Variants in FBXL5 observed in about 807,000 individuals in gnomAD.
FBXL5 encodes the protein F-box/LRR-repeat protein 5.
In FBXL5, 26 loss-of-function variants were observed where a neutral mutation model predicts 78.3. That is an observed-to-expected ratio of 0.33 (90% CI 0.24 to 0.46). FBXL5 has a LOEUF of 0.46. FBXL5 is among the 20% of genes least tolerant of loss of function. FBXL5 has a pLI of 1.00. For synonymous variants in FBXL5, 295 were observed against 282.5 expected (o/e 1.04, Z -0.45); for missense variants, 710 against 829.2 (o/e 0.86, Z 1.77).
At chr4:15,656,157 G>C (rs1560244651), upstream of FBXL5, 3 of 455,832 alleles carry the variant, frequency 6.6e-6, no homozygotes, top group Non-Finnish European at 1.3e-5. Context: ...TGGAAGGTTG[G>C]TGCGGGAAAG....
intron 9 of FBXL5, among the ~76,000 whole-genome samples, chr4:15,619,271 G>A (rs1712233698): frequency 6.6e-6 from 1 of 152,140 alleles, no homozygotes; most frequent in South Asian, 2.1e-4. Flanking sequence ...ACAGGCCAAT[G>A]TCCCTTATGA....
At position 15,625,790 on chromosome 4, in the gene FBXL5, T is replaced by C. The variant is rs1401273927; in HGVS notation, c.1312A>G (p.Met438Val). The change falls in exon 9 of 11, where the codon ATG (methionine) becomes GTG (valine). Residue 438 changes from methionine to valine, a missense_variant. Transcript: ENST00000341285. ...STAWKNKDIT[M>V]QSTKQYACLH... ...CAGGCATACTGCTTGGTGGACTGCA[T>C]GGTAATGTCTTTATTTTTCCACGCA... The C allele has an allele frequency of 3.1e-6, 5 of 1,614,078 alleles. No individual in the cohort carries two copies. The highest frequency in any genetic ancestry group is 3.4e-6 in the Non-Finnish European group (4 of 1,180,042).
Position 15,636,511 on chromosome 4 carries a change from G to C in FBXL5, c.749C>G (p.Pro250Arg). ...TTACCTACCTCTGGCCCAATGAACA[G>C]GGTAAAGATGTTTCCAAAGCGATCC... The part of the protein sequence containing the change: ...KTGSLWKHLY[P>R]VHWARGDWYS... The change falls in exon 5 of 11, where the codon CCT (proline) becomes CGT (arginine). Residue 250 changes from proline to arginine, a missense_variant. Pro to Arg is a moderately radical substitution (Grantham distance 103). Coordinates refer to ENST00000341285, the MANE Select transcript of FBXL5 (RefSeq NM_012161.4). The C allele has an allele frequency of 6.2e-7, 1 of 1,608,036 alleles. No individual in the cohort carries two copies. The highest frequency in any genetic ancestry group is 8.5e-7 in the Non-Finnish European group (1 of 1,176,638).
chr4:15,612,900 T>C (rs574149375), intron 9 of FBXL5, among the ~76,000 whole-genome samples: 3 of 152,308 alleles, frequency 2.0e-5, no homozygotes, highest in South Asian at 4.1e-4. Flanking sequence ...AACTTGCACA[T>C]GAATGTTCAT....
In FBXL5 at chr4:15,640,881, A is replaced by G. The variant is rs1456936371; in HGVS notation, c.303T>C (p.Asn101=). 1 of 1,448,554 alleles carries G rather than the reference A, an allele frequency of 6.9e-7. No homozygotes were observed. The highest frequency in any genetic ancestry group is 9.2e-7 in the Non-Finnish European group (1 of 1,084,300). 89.7% of individuals were successfully genotyped at this position (1,448,554 alleles called of 1,614,324 possible). ...TTGCATAATTTAACTGTTCATATTC[A>G]TTCTGGAAACCAAAAAAAAAATACA... ...LFEKGLKNVK[N]EYEQLNYAKQ... Residue 101 remains asparagine, a splice_region_variant and synonymous_variant, in exon 3 of 11, where the codon AAT becomes AAC. Transcript: ENST00000341285.
chr4:15,671,613 T>A (rs1242883804), intron 1 of FBXL5, among the ~76,000 whole-genome samples: 1 of 152,106 alleles, frequency 6.6e-6, no homozygotes, highest in Non-Finnish European at 1.5e-5. Flanking sequence ...GGAGTTCATA[T>A]CTTCTTGAAT....
At chr4:15,622,112 T>C (rs28540215) in intron 9 of FBXL5, among the ~76,000 whole-genome samples, 67 of 152,292 alleles carry the variant, frequency 4.4e-4, no homozygotes, top group African/African-American at 1.6e-3. Flanking sequence ...GGATTACAGG[T>C]GTAAGCCATC....
chr4:15,663,019 C>T (rs1291389678), upstream of FBXL5, among the ~76,000 whole-genome samples: 1 of 152,008 alleles, frequency 6.6e-6, no homozygotes, highest in Non-Finnish European at 1.5e-5. Context: ...AAAATATTTA[C>T]CAAATGTAAC....
chr4:15,653,927 G>A, intron 1 of FBXL5, among the ~76,000 whole-genome samples: 1 of 152,174 alleles, frequency 6.6e-6, no homozygotes, highest in East Asian at 1.9e-4. Context: ...TTTAGTTTAA[G>A]GCTAATAAGC....
chr4:15,643,859 T>A (rs1036125487), intron 2 of FBXL5, among the ~76,000 whole-genome samples: 1 of 152,258 alleles, frequency 6.6e-6, no homozygotes. Flanking sequence ...AATTTTATAA[T>A]TAAAACTTCG....
rs368684589 is a variant in FBXL5, at chr4:15,638,099, G to A, written c.583+409C>T. On this transcript the variant is annotated intron_variant, in intron 4 of 10. Coordinates refer to ENST00000341285, the MANE Select transcript of FBXL5 (RefSeq NM_012161.4). The stretch of plus-strand genomic sequence containing the variant: ...TTGAAAACCAATGAAAAAAACACAA[G>A]GAAAGAGAAAAGCAGCCACTATGGT... Among the ~76,000 whole-genome samples, 200 of 152,078 alleles carry A rather than the reference G, an allele frequency of 1.3e-3. 2 individuals carry two copies. Among genetic ancestry groups the A allele is most frequent in the African/African-American group, 4.6e-3 (190 of 41,484 alleles).
upstream of FBXL5, among the ~76,000 whole-genome samples, chr4:15,663,147 T>G (rs1717392245): frequency 6.6e-6 from 1 of 152,186 alleles, no homozygotes; most frequent in Non-Finnish European, 1.5e-5. Flanking sequence ...TTCCTAGAAA[T>G]GATATCCTTT....
chr4:15,606,502 T>C (rs1432601225), intron 10 of FBXL5, among the ~76,000 whole-genome samples: 1 of 152,062 alleles, frequency 6.6e-6, no homozygotes, highest in Non-Finnish European at 1.5e-5. Context: ...ACAAGACCCA[T>C]TAGGGAACAT....
intron 8 of FBXL5, 64 bp from the exon 9 acceptor site, chr4:15,626,041 T>C: frequency 7.3e-7 from 1 of 1,371,588 alleles, no homozygotes; most frequent in Non-Finnish European, 9.6e-7. Context: ...TTTGACTATA[T>C]GCATGTAGAT....
intron 10 of FBXL5, 82 bp downstream of exon 10, chr4:15,612,184 C>A: frequency 3.5e-6 from 4 of 1,149,568 alleles, no homozygotes; most frequent in Non-Finnish European, 4.7e-6. Flanking sequence ...ATCTAGAAAA[C>A]TAAATGGAAA....
At chr4:15,612,478 G>C in intron 9 of FBXL5, 64 bp from the exon 10 acceptor site, 2 of 1,437,390 alleles carry the variant, frequency 1.4e-6, no homozygotes, top group Non-Finnish European at 1.9e-6. Flanking sequence ...TATTCCTATG[G>C]TTCACTGAAC....
At chr4:15,662,063 AT>A (rs559252871), upstream of FBXL5, among the ~76,000 whole-genome samples, 341 of 152,228 alleles carry the variant, frequency 2.2e-3, 3 homozygotes, top group Middle Eastern at 3.4e-3. Flanking sequence ...TCAGTCTTTT[AT>A]AACATAATCT....
chr4:15,669,568 A>C (rs1717676916), intron 1 of FBXL5, among the ~76,000 whole-genome samples: 1 of 152,182 alleles, frequency 6.6e-6, no homozygotes, highest in Non-Finnish European at 1.5e-5. Flanking sequence ...ATTTCAAACA[A>C]ACATAAAAGT....
intron 4 of FBXL5, among the ~76,000 whole-genome samples, chr4:15,638,015 AC>A (rs1714462832): frequency 6.6e-6 from 1 of 152,146 alleles, no homozygotes; most frequent in African/African-American, 2.4e-5. Flanking sequence ...ATTACTGGAT[AC>A]AAGCTGAAAA....
Sources: allele counts gnomAD v4.1 joint callset (sites outside exome capture counted in the v4.1 genomes callset), GRCh38; gene constraint gnomAD v4.1.1; transcripts MANE v1.5; gene names NCBI Gene and HGNC (gene_info 2026-07-23, HGNC 2026-07-21).